The following SCN1A variants were observed in gnomAD, a reference collection of about 807,000 sequenced individuals.
SCN1A encodes the protein sodium channel protein type 1 subunit alpha.
In SCN1A, 13 loss-of-function variants were observed where a neutral mutation model predicts 193.7. The observed-to-expected ratio is 0.07, with a 90% CI of 0.04 to 0.11. The LOEUF is 0.11. SCN1A is among the 10% of genes least tolerant of loss of function. SCN1A has a pLI of 1.00. For synonymous variants in SCN1A, 781 were observed against 843.6 expected, an observed-to-expected ratio of 0.93 and a Z score of 1.29; for missense variants, 1,432 against 2,451.1, an observed-to-expected ratio of 0.58 and a Z score of 8.78.
At chr2:166,001,608 A>G (rs1329398536) in intron 24 of SCN1A, among the ~76,000 whole-genome samples, 1 of 151,686 alleles carries the variant, frequency 6.6e-6, no homozygotes, top group Admixed American at 6.6e-5. Flanking sequence ...GTTTTCAAAT[A>G]ATCTGGACTC....
Position 166,045,183 on chromosome 2 carries a change from C to T in SCN1A, c.1522G>A (p.Glu508Lys), listed in dbSNP as rs781087488. 3 of 1,614,104 alleles carry T rather than the reference C, an allele frequency of 1.9e-6. No homozygotes were observed. The highest frequency in any genetic ancestry group is 2.5e-6 in the Non-Finnish European group (3 of 1,180,022). The change falls in exon 13 of 29, where the codon GAG becomes AAG. Residue 508 changes from glutamate to lysine, a missense_variant. Physicochemically the swap from Glu to Lys is moderately conservative, Grantham distance 56. Around this residue, in one of 18 missense-constraint regions of SCN1A, gnomAD observed 316 missense variants for 362.1 expected, o/e 0.87. Coordinates refer to ENST00000674923, the MANE Select transcript of SCN1A (RefSeq NM_001165963.4). Reference protein sequence around the residue: ...RNRRKKRKQKEQSGGEEKDED... With the variant: ...RNRRKKRKQKKQSGGEEKDED... ...TCTTTCTCTTCCCCACCAGACTGCT[C>T]TTTCTGTTTTCTTTTCTTCCTCCGA...
At chr2:166,140,415 T>A (rs1263654794) in intron 1 of SCN1A, among the ~76,000 whole-genome samples, 1 of 152,142 alleles carries the variant, frequency 6.6e-6, no homozygotes, top group South Asian at 2.1e-4. Context: ...GTATGATCAG[T>A]CTGTAGCCTG....
chr2:166,087,069 G>A (rs887158132), intron 2 of SCN1A, among the ~76,000 whole-genome samples: 14 of 151,614 alleles, frequency 9.2e-5, no homozygotes, highest in African/African-American at 3.4e-4. Context: ...AATGGGAAGT[G>A]TTTGGGTCAT....
intron 6 of SCN1A, 58 bp from the exon 7 acceptor site, chr2:166,054,824 A>G: frequency 6.6e-7 from 1 of 1,509,972 alleles, no homozygotes; most frequent in Non-Finnish European, 9.2e-7. Context: ...ATAGCATACC[A>G]ATTTCTTATC....
At chr2:166,046,747 G>T (rs1212744284) in intron 12 of SCN1A, 23 bp downstream of exon 12, 1 of 1,609,894 alleles carries the variant, frequency 6.2e-7, no homozygotes, top group Non-Finnish European at 8.5e-7. Context: ...AAAGGTCAGT[G>T]CCATGAGACA....
intron 26 of SCN1A, chr2:165,996,389 T>C: frequency 3.4e-6 from 1 of 294,472 alleles, no homozygotes; most frequent in South Asian, 3.7e-5. Flanking sequence ...ACCCAAGACC[T>C]TATGCTTAGT....
At chr2:166,005,320 T>A (rs977903188) in intron 23 of SCN1A, among the ~76,000 whole-genome samples, 1 of 151,416 alleles carries the variant, frequency 6.6e-6, no homozygotes, top group African/African-American at 2.4e-5. Flanking sequence ...AATTTTTAAA[T>A]GTTATTTCTG....
At chr2:166,028,492 T>C (rs1036679673) in intron 19 of SCN1A, among the ~76,000 whole-genome samples, 2 of 152,170 alleles carry the variant, frequency 1.3e-5, no homozygotes, top group African/African-American at 4.8e-5. Context: ...AGTACTACTG[T>C]TCAGAGGATC....
chr2:165,991,145 A>C lies in SCN1A; in HGVS notation c.*100T>G. On this transcript the variant is annotated 3_prime_UTR_variant, in exon 29 of 29. Transcript: ENST00000674923. ...TAAGGAGATTTGTGTAAAAACAGTC[A>C]GTTTGGCATTGACCTCCTAAAGGAG... 1.9e-6 allele frequency: 2 copies of C among 1,040,810 alleles called. No homozygotes were observed. 64.5% of individuals were successfully genotyped at this position (1,040,810 alleles called of 1,614,324 possible).
chr2:166,097,618 G>C (rs1477144581), intron 2 of SCN1A, among the ~76,000 whole-genome samples: 1 of 152,182 alleles, frequency 6.6e-6, no homozygotes. Context: ...GTCTTGCCCT[G>C]TCACCCAGGC....
chr2:166,146,093 G>C (rs1692310467), intron 1 of SCN1A, among the ~76,000 whole-genome samples: 2 of 152,222 alleles, frequency 1.3e-5, no homozygotes, highest in South Asian at 2.1e-4. Context: ...ACAGACACTG[G>C]GTCACTTGAC....
chr2:166,102,169 G>A (rs1054073297), intron 2 of SCN1A, among the ~76,000 whole-genome samples: 1 of 152,172 alleles, frequency 6.6e-6, no homozygotes, highest in African/African-American at 2.4e-5. Context: ...ACCACAATGA[G>A]ATACCATCTC....
intron 2 of SCN1A, among the ~76,000 whole-genome samples, chr2:166,102,872 A>G (rs1232324840): frequency 6.6e-6 from 1 of 152,238 alleles, no homozygotes; most frequent in Admixed American, 6.5e-5. Flanking sequence ...ACAGCCATAA[A>G]TAAGAACAAA....
chr2:166,048,168 A>C (rs1297912878), intron 10 of SCN1A, among the ~76,000 whole-genome samples: 1 of 152,096 alleles, frequency 6.6e-6, no homozygotes, highest in African/African-American at 2.4e-5. Context: ...TGTTATATAC[A>C]GTAGGTGTTT....
At chr2:166,140,057 G>A (rs1692019535) in intron 1 of SCN1A, among the ~76,000 whole-genome samples, 1 of 152,116 alleles carries the variant, frequency 6.6e-6, no homozygotes, top group Admixed American at 6.5e-5. Context: ...TAAAATAGTT[G>A]CTATTACCAT....
chr2:166,139,315 T>C (rs1691989339), intron 1 of SCN1A, among the ~76,000 whole-genome samples: 1 of 152,176 alleles, frequency 6.6e-6, no homozygotes, highest in Non-Finnish European at 1.5e-5. Flanking sequence ...AAATCTCATC[T>C]TGAATTGTAA....
intron 2 of SCN1A, among the ~76,000 whole-genome samples, chr2:166,098,422 G>C (rs1687639306): frequency 6.6e-6 from 1 of 152,086 alleles, no homozygotes; most frequent in Non-Finnish European, 1.5e-5. Flanking sequence ...AAAGATGAAA[G>C]CATTCTCCCT....
chr2:166,109,999 T>A (rs1461689643), intron 2 of SCN1A, among the ~76,000 whole-genome samples: 1 of 152,098 alleles, frequency 6.6e-6, no homozygotes, highest in Non-Finnish European at 1.5e-5. Context: ...TATTCTATAT[T>A]GAAAAATAGC....
intron 2 of SCN1A, among the ~76,000 whole-genome samples, chr2:166,092,997 G>T (rs1327394555): frequency 1.3e-5 from 2 of 152,006 alleles, no homozygotes; most frequent in African/African-American, 4.8e-5. Context: ...AGCTTGGTAG[G>T]TTTTATGAGG....
Sources: gnomAD v4.1 joint callset for allele counts (sites outside exome capture counted in the v4.1 genomes callset) on GRCh38, gnomAD v4.1.1 for gene constraint, gnomAD v4.1.1 regional missense constraint, MANE v1.5 for transcripts, NCBI Gene and HGNC (gene_info 2026-07-23, HGNC 2026-07-21) for gene names.